Variants in ESRRG observed in about 807,000 individuals in gnomAD.
ESRRG encodes the protein estrogen-related receptor gamma.
A neutral mutation model predicts 44.0 loss-of-function variants in ESRRG; 13 were observed. The ratio of observed to expected loss-of-function variants is 0.30; its 90% confidence interval spans 0.19 to 0.47. ESRRG has a LOEUF of 0.47. Among genes scored for constraint, ESRRG ranks in the 20% least tolerant of loss-of-function variants. The probability of loss-of-function intolerance (pLI) is 1.00; values close to 1 mark genes in which losing one functional copy is unlikely to be tolerated. For missense variants in ESRRG, 395 were observed against 580.6 expected (o/e 0.68, Z 3.29); for synonymous variants, 215 against 214.6 (o/e 1.00, Z -0.02).
chr1:216,717,200 T>G (rs1464790292), intron 1 of ESRRG, among the ~76,000 whole-genome samples: 1 of 151,880 alleles, frequency 6.6e-6, no homozygotes, highest in Non-Finnish European at 1.5e-5. Context: ...TGGAAGATAC[T>G]TTTGGAAAAT....
At chr1:216,896,941 T>G (rs905396067) in intron 2 of ESRRG, among the ~76,000 whole-genome samples, 2 of 152,216 alleles carry the variant, frequency 1.3e-5, no homozygotes, top group African/African-American at 4.8e-5. Flanking sequence ...TTACACAGGT[T>G]AAAATGTTAC....
chr1:216,984,049 G>C (rs1046940931), intron 1 of ESRRG, among the ~76,000 whole-genome samples: 4 of 79,704 alleles, frequency 5.0e-5, no homozygotes, highest in Admixed American at 1.5e-4. Flanking sequence ...TAATAAGAAT[G>C]GGGGGGGGTA....
intron 1 of ESRRG, among the ~76,000 whole-genome samples, chr1:216,988,267 C>A (rs562077121): frequency 1.3e-5 from 2 of 152,294 alleles, no homozygotes; most frequent in Admixed American, 6.5e-5. Flanking sequence ...TTTCTGGTTA[C>A]CCTGAATGTG....
At chr1:217,036,764 G>A (rs1452816888) in intron 1 of ESRRG, among the ~76,000 whole-genome samples, 1 of 150,804 alleles carries the variant, frequency 6.6e-6, no homozygotes, top group East Asian at 1.9e-4. Flanking sequence ...AAACCTCCAT[G>A]ACACAATTTT....
intron 3 of ESRRG, among the ~76,000 whole-genome samples, chr1:216,612,336 G>A (rs1420203938): frequency 6.6e-6 from 1 of 151,902 alleles, no homozygotes; most frequent in Non-Finnish European, 1.5e-5. Context: ...GCCCAACCAG[G>A]AAGGAAGACA....
At chr1:216,941,944 G>T (rs781249501) in intron 1 of ESRRG, among the ~76,000 whole-genome samples, 1 of 152,106 alleles carries the variant, frequency 6.6e-6, no homozygotes, top group Non-Finnish European at 1.5e-5. Context: ...TTCAGGGGGT[G>T]CATGTGTAGG....
At chr1:216,669,060 T>C (rs1368184025) in intron 2 of ESRRG, among the ~76,000 whole-genome samples, 1 of 151,930 alleles carries the variant, frequency 6.6e-6, no homozygotes, top group Non-Finnish European at 1.5e-5. Context: ...TGTTTTTGAA[T>C]GCCCTCAAGC....
chr1:217,045,719 T>C (rs4085456), intron 1 of ESRRG, among the ~76,000 whole-genome samples: 114,608 of 151,868 alleles, frequency 0.75, 43,921 homozygotes, highest in Non-Finnish European at 0.82. Flanking sequence ...CGTTTTTTTT[T>C]CATTTGATCA....
intron 1 of ESRRG, among the ~76,000 whole-genome samples, chr1:216,699,891 G>A (rs1021387851): frequency 2.6e-5 from 4 of 152,130 alleles, no homozygotes; most frequent in African/African-American, 7.2e-5. Context: ...AGAAAGCCTC[G>A]CCTATGGATT....
intron 2 of ESRRG, among the ~76,000 whole-genome samples, chr1:216,856,871 G>A (rs1313513870): frequency 6.6e-6 from 1 of 152,086 alleles, no homozygotes; most frequent in Non-Finnish European, 1.5e-5. Flanking sequence ...ATCAAGTTGA[G>A]CCCTCATCCA....
At chr1:217,113,011 T>C (rs2092676956) in intron 1 of ESRRG, among the ~76,000 whole-genome samples, 1 of 152,218 alleles carries the variant, frequency 6.6e-6, no homozygotes, top group African/African-American at 2.4e-5. Context: ...TAAGTGCCAA[T>C]AAGTCATGGG....
At chr1:216,761,749 T>C (rs2092786936) in intron 2 of ESRRG, among the ~76,000 whole-genome samples, 1 of 152,154 alleles carries the variant, frequency 6.6e-6, no homozygotes, top group South Asian at 2.1e-4. Context: ...ACCTTAATAC[T>C]TGTCAAGTAA....
intron 1 of ESRRG, among the ~76,000 whole-genome samples, chr1:216,942,733 G>T (rs187527866): frequency 2.3e-3 from 346 of 152,184 alleles, no homozygotes; most frequent in Non-Finnish European, 3.7e-3. Flanking sequence ...GTCTGTTTAT[G>T]TTCTTAGCCC....
chr1:216,760,270 T>A (rs1169286404), intron 2 of ESRRG, among the ~76,000 whole-genome samples: 8 of 151,686 alleles, frequency 5.3e-5, no homozygotes, highest in African/African-American at 1.9e-4. Flanking sequence ...TAAAAAAATC[T>A]CAAATTCTTT....
At chr1:216,754,073 T>C (rs1187308866) in intron 2 of ESRRG, among the ~76,000 whole-genome samples, 3 of 152,052 alleles carry the variant, frequency 2.0e-5, no homozygotes, top group East Asian at 1.9e-4. Flanking sequence ...GCCATTTTTT[T>C]CTTCCCAAAA....
chr1:216,518,191 C>A (rs562441257), intron 6 of ESRRG, among the ~76,000 whole-genome samples: 1 of 152,206 alleles, frequency 6.6e-6, no homozygotes, highest in South Asian at 2.1e-4. Context: ...TTGATCGTCA[C>A]ATATGGCCCC....
chr1:217,135,622 C>A (rs541151146), intron 1 of ESRRG, among the ~76,000 whole-genome samples: 3 of 152,092 alleles, frequency 2.0e-5, no homozygotes, highest in Non-Finnish European at 2.9e-5. Flanking sequence ...CGGGGTCAGG[C>A]GCGGACCCAC....
At chr1:216,839,156 C>A (rs1162519178) in intron 2 of ESRRG, among the ~76,000 whole-genome samples, 1 of 152,174 alleles carries the variant, frequency 6.6e-6, no homozygotes, top group African/African-American at 2.4e-5. Flanking sequence ...ATTGTAAATC[C>A]TTTGTTGTCA....
At chr1:217,072,094 T>C (rs1275603963) in intron 1 of ESRRG, among the ~76,000 whole-genome samples, 1 of 152,194 alleles carries the variant, frequency 6.6e-6, no homozygotes, top group Non-Finnish European at 1.5e-5. Flanking sequence ...TCAGTAACAT[T>C]CTGATTTCCT....
Sources: gnomAD v4.1 joint callset for allele counts (sites outside exome capture counted in the v4.1 genomes callset) on GRCh38, gnomAD v4.1.1 for gene constraint, MANE v1.5 for transcripts, NCBI Gene and HGNC (gene_info 2026-07-23, HGNC 2026-07-21) for gene names.